The following PRKG1 variants were observed in gnomAD, a reference collection of about 807,000 sequenced individuals.
PRKG1 encodes the protein cGMP-dependent protein kinase 1.
Under a neutral mutation model 88.1 loss-of-function variants are expected in PRKG1, and 35 were observed. That is an observed-to-expected ratio of 0.40 (90% CI 0.30 to 0.53). The LOEUF (loss-of-function observed/expected upper bound fraction) is 0.53. Ranked by LOEUF, PRKG1 falls within the 20% of genes least tolerant of loss-of-function variation. PRKG1 has a pLI of 0.59. For missense variants in PRKG1, 540 were observed against 839.8 expected (o/e 0.64, Z 4.41); for synonymous variants, 303 against 292.5 (o/e 1.04, Z -0.37).
intron 3 of PRKG1, among the ~76,000 whole-genome samples, chr10:51,641,059 T>TAA (rs11435594): frequency 2.1e-4 from 31 of 150,708 alleles, no homozygotes; most frequent in Admixed American, 1.1e-3. Flanking sequence ...TATAATAAGA[T>TAA]AAAAAAAATC....
At chr10:51,013,244 T>C (rs1047949376) in intron 1 of PRKG1, among the ~76,000 whole-genome samples, 1 of 152,168 alleles carries the variant, frequency 6.6e-6, no homozygotes, top group Admixed American at 6.5e-5. Flanking sequence ...TAAATGAGAT[T>C]ATAGGGAAAG....
intron 1 of PRKG1, among the ~76,000 whole-genome samples, chr10:51,117,035 G>T (rs1845141713): frequency 6.6e-6 from 1 of 152,132 alleles, no homozygotes; most frequent in South Asian, 2.1e-4. Flanking sequence ...GACATTTTTA[G>T]TTAACCTGTA....
intron 2 of PRKG1, among the ~76,000 whole-genome samples, chr10:51,403,285 G>A (rs1302478038): frequency 2.6e-5 from 4 of 152,118 alleles, no homozygotes; most frequent in Admixed American, 2.0e-4. Flanking sequence ...GCTACATATG[G>A]CATGTTAATG....
chr10:51,280,616 G>C (rs987152384), intron 2 of PRKG1, among the ~76,000 whole-genome samples: 4 of 151,966 alleles, frequency 2.6e-5, no homozygotes, highest in African/African-American at 7.3e-5. Context: ...TCATTCATTT[G>C]ATCTTCCATC....
At chr10:51,728,568 T>A (rs1349760062) in intron 3 of PRKG1, among the ~76,000 whole-genome samples, 3 of 17,020 alleles carry the variant, frequency 1.8e-4, no homozygotes, top group African/African-American at 6.8e-4. Context: ...TATTACAGAG[T>A]ACTTATCTCA....
chr10:51,646,781 TA>T (rs1468237167), intron 3 of PRKG1, among the ~76,000 whole-genome samples: 16 of 151,782 alleles, frequency 1.1e-4, no homozygotes, highest in Non-Finnish European at 2.2e-4. Flanking sequence ...ATAAATCAGC[TA>T]TATTTGGTCT....
At chr10:51,680,103 G>C (rs890661226) in intron 3 of PRKG1, among the ~76,000 whole-genome samples, 2 of 152,128 alleles carry the variant, frequency 1.3e-5, no homozygotes, top group Non-Finnish European at 2.9e-5. Context: ...ATCTGCATAT[G>C]GTGTCAATCT....
chr10:51,151,130 C>CAAAAAAAAA (rs56202198), intron 1 of PRKG1, among the ~76,000 whole-genome samples: 2 of 119,880 alleles, frequency 1.7e-5, no homozygotes, highest in Non-Finnish European at 3.6e-5. Context: ...CACTCTCTGA[C>CAAAAAAAAA]AAAAAAAAAA....
intron 2 of PRKG1, among the ~76,000 whole-genome samples, chr10:51,421,803 C>A (rs1024700459): frequency 1.5e-4 from 23 of 152,266 alleles, no homozygotes; most frequent in African/African-American, 5.5e-4. Flanking sequence ...ATTCTAAGAT[C>A]CCTATTGAAA....
intron 10 of PRKG1, among the ~76,000 whole-genome samples, chr10:52,257,073 A>G (rs1841325919): frequency 7.2e-6 from 1 of 139,308 alleles, no homozygotes; most frequent in Admixed American, 7.6e-5. Flanking sequence ...CATAATAAAG[A>G]CCTGGCTCTT....
intron 4 of PRKG1, among the ~76,000 whole-genome samples, chr10:51,890,725 G>T (rs893610206): frequency 2.0e-5 from 3 of 152,160 alleles, no homozygotes; most frequent in Non-Finnish European, 4.4e-5. Flanking sequence ...GGAGGTCAAG[G>T]CGGGTGGATC....
intron 12 of PRKG1, 108 bp downstream of exon 12, chr10:52,272,589 C>A: frequency 1.3e-6 from 1 of 779,184 alleles, no homozygotes; most frequent in Non-Finnish European, 2.1e-6. Flanking sequence ...ATAATTTACA[C>A]ATGCTTATAT....
At position 51,553,946 on chromosome 10, in the gene PRKG1, T is replaced by C. The variant is rs181387327; in HGVS notation, c.592+86110T>C. On this transcript the variant is annotated intron_variant, in intron 3 of 17. Transcript: ENST00000373980. ...AATATATGTATGTATTAGATACGTG[T>C]ATATAATATATGTATGTATTAGATA... 2.8e-3 allele frequency among the ~76,000 whole-genome samples: 367 copies of C among 130,860 alleles called. 7 individuals carry two copies. Among genetic ancestry groups the C allele is most frequent in the Middle Eastern group, 7.9e-3 (2 of 252 alleles). 85.8% of individuals were successfully genotyped at this position (130,860 alleles called of 152,430 possible). A position where few individuals can be genotyped will look rare whatever the true frequency, so the allele number is the denominator to read the frequency against.
At chr10:52,231,877 T>C (rs1199830307) in intron 9 of PRKG1, among the ~76,000 whole-genome samples, 1 of 152,194 alleles carries the variant, frequency 6.6e-6, no homozygotes, top group Non-Finnish European at 1.5e-5. Flanking sequence ...CTTTCTCTTA[T>C]TGGAAACAGA....
intron 5 of PRKG1, among the ~76,000 whole-genome samples, chr10:52,042,372 C>T (rs548682441): frequency 7.2e-5 from 11 of 152,140 alleles, no homozygotes; most frequent in South Asian, 4.2e-4. Context: ...AGCATAAAAA[C>T]GGATACACAG....
chr10:51,178,097 A>G (rs1363291325), intron 2 of PRKG1, among the ~76,000 whole-genome samples: 1 of 152,190 alleles, frequency 6.6e-6, no homozygotes, highest in African/African-American at 2.4e-5. Flanking sequence ...TGAAAAAGCA[A>G]CACTCAAATG....
chr10:52,112,504 C>G (rs1046823064), intron 7 of PRKG1, among the ~76,000 whole-genome samples: 3 of 152,112 alleles, frequency 2.0e-5, no homozygotes, highest in Non-Finnish European at 4.4e-5. Flanking sequence ...TCTTGAAACT[C>G]TCAAAAATTA....
chr10:52,049,146 G>A (rs1243324516), intron 5 of PRKG1, among the ~76,000 whole-genome samples: 1 of 152,158 alleles, frequency 6.6e-6, no homozygotes, highest in Non-Finnish European at 1.5e-5. Flanking sequence ...CAAACCTTTG[G>A]ATAGCTTTCT....
intron 2 of PRKG1, among the ~76,000 whole-genome samples, chr10:51,283,627 C>T (rs1316704005): frequency 6.6e-6 from 1 of 152,032 alleles, no homozygotes; most frequent in Non-Finnish European, 1.5e-5. Context: ...GGGGGTACCT[C>T]AGTTGAAGAG....
Sources: allele counts gnomAD v4.1 joint callset (sites outside exome capture counted in the v4.1 genomes callset), GRCh38; gene constraint gnomAD v4.1.1; transcripts MANE v1.5; gene names NCBI Gene and HGNC (gene_info 2026-07-23, HGNC 2026-07-21).